The following CDH12 variants were observed in gnomAD, a reference collection of about 807,000 sequenced individuals.
The protein encoded by CDH12 is cadherin 12.
Under a neutral mutation model 74.1 loss-of-function variants are expected in CDH12, and 41 were observed. That is an observed-to-expected ratio of 0.55 (90% CI 0.43 to 0.72). The LOEUF (loss-of-function observed/expected upper bound fraction) is 0.72, where lower values mean the gene tolerates loss of function less well. Among genes scored for constraint, CDH12 ranks in the 30% least tolerant of loss-of-function variants. The pLI, the probability that CDH12 is intolerant of heterozygous loss-of-function variation, is 0.00. For missense variants in CDH12, 945 were observed against 977.2 expected (o/e 0.97, Z 0.44); for synonymous variants, 399 against 355.0 (o/e 1.12, Z -1.39).
intron 6 of CDH12, among the ~76,000 whole-genome samples, chr5:21,899,407 T>C (rs1363274000): frequency 6.6e-6 from 1 of 152,188 alleles, no homozygotes; most frequent in African/African-American, 2.4e-5. Flanking sequence ...AGTGAAAGCA[T>C]GTCATGGACA....
At chr5:22,745,214 T>C (rs999704084) in intron 1 of CDH12, among the ~76,000 whole-genome samples, 3 of 152,056 alleles carry the variant, frequency 2.0e-5, no homozygotes, top group Admixed American at 6.6e-5. Context: ...ATTAGTATCA[T>C]GGTACTAAGT....
chr5:22,599,674 C>T lies in CDH12; in HGVS notation c.-522-94310G>A, dbSNP rs568086440. ...GTATTATATGAAATATTTGATGGAA[C>T]TATCCTATAAGGAAGCTTCCAATTT... On this transcript the variant is annotated intron_variant, in intron 1 of 14. Transcript: ENST00000382254. Among the ~76,000 whole-genome samples the T allele has an allele frequency of 4.6e-5, 7 of 151,956 alleles. No homozygotes were observed. In the South Asian group the frequency reaches 1.2e-3, roughly 27 times the overall value.
chr5:22,132,349 C>A (rs1406000514), intron 4 of CDH12, among the ~76,000 whole-genome samples: 1 of 151,844 alleles, frequency 6.6e-6, no homozygotes, highest in Non-Finnish European at 1.5e-5. Flanking sequence ...GGGGCCCTTG[C>A]TAGGAACTAG....
At chr5:22,697,290 A>G (rs182206326) in intron 1 of CDH12, among the ~76,000 whole-genome samples, 22 of 152,194 alleles carry the variant, frequency 1.4e-4, no homozygotes, top group Admixed American at 4.6e-4. Context: ...GAAAACAGCC[A>G]GCCGGGCGCG....
At chr5:21,900,963 T>A (rs2150053799) in intron 6 of CDH12, among the ~76,000 whole-genome samples, 1 of 152,280 alleles carries the variant, frequency 6.6e-6, no homozygotes, top group African/African-American at 2.4e-5. Context: ...TCTTTCTCAT[T>A]GTTGTTTCTG....
chr5:22,184,858 A>T (rs1186364975), intron 4 of CDH12, among the ~76,000 whole-genome samples: 4 of 152,122 alleles, frequency 2.6e-5, no homozygotes, highest in East Asian at 1.9e-4. Flanking sequence ...TCATTTTTTT[A>T]AAAAACTTTT....
chr5:22,544,019 A>G (rs1360258801), intron 1 of CDH12, among the ~76,000 whole-genome samples: 1 of 152,180 alleles, frequency 6.6e-6, no homozygotes, highest in African/African-American at 2.4e-5. Flanking sequence ...ATTAGAATCA[A>G]AAGATATATA....
chr5:21,790,192 G>A (rs1746413472), intron 10 of CDH12, among the ~76,000 whole-genome samples: 1 of 152,016 alleles, frequency 6.6e-6, no homozygotes, highest in Non-Finnish European at 1.5e-5. Context: ...TTAACAAATT[G>A]ATTCAAACAG....
chr5:22,039,761 A>G (rs1353865514), intron 5 of CDH12, among the ~76,000 whole-genome samples: 2 of 152,166 alleles, frequency 1.3e-5, no homozygotes, highest in Non-Finnish European at 2.9e-5. Context: ...ATACCATTGT[A>G]TCTACTTGAA....
intron 1 of CDH12, among the ~76,000 whole-genome samples, chr5:22,568,858 T>A (rs1739411104): frequency 6.6e-6 from 1 of 152,218 alleles, no homozygotes; most frequent in African/African-American, 2.4e-5. Context: ...TAATTAAAAA[T>A]GATTTACTGC....
chr5:21,986,161 AG>A (rs775357204), intron 5 of CDH12, among the ~76,000 whole-genome samples: 2 of 152,274 alleles, frequency 1.3e-5, no homozygotes, highest in East Asian at 3.9e-4. Flanking sequence ...CATCTCAAAA[AG>A]GCCCCCATGC....
intron 3 of CDH12, among the ~76,000 whole-genome samples, chr5:22,393,963 T>C (rs963050246): frequency 3.3e-5 from 5 of 152,120 alleles, no homozygotes; most frequent in African/African-American, 1.2e-4. Flanking sequence ...TGCAGCCTGT[T>C]TTTTCTTTAC....
chr5:22,326,245 C>A (rs940475659), intron 3 of CDH12, among the ~76,000 whole-genome samples: 1 of 146,664 alleles, frequency 6.8e-6, no homozygotes, highest in African/African-American at 2.5e-5. Context: ...TTTTTTCTTT[C>A]TTTTTTTGAG....
chr5:22,294,762 A>G (rs990378418), intron 3 of CDH12, among the ~76,000 whole-genome samples: 2 of 152,200 alleles, frequency 1.3e-5, no homozygotes, highest in African/African-American at 4.8e-5. Flanking sequence ...TAAACCTTAG[A>G]CAGGTTTCTT....
intron 3 of CDH12, among the ~76,000 whole-genome samples, chr5:22,363,943 T>G (rs1022726643): frequency 6.6e-6 from 1 of 152,200 alleles, no homozygotes; most frequent in Admixed American, 6.5e-5. Flanking sequence ...TTTGATAGTT[T>G]TCATAAACAT....
At chr5:22,492,615 G>C (rs1388294196) in intron 2 of CDH12, among the ~76,000 whole-genome samples, 3 of 152,050 alleles carry the variant, frequency 2.0e-5, no homozygotes, top group Non-Finnish European at 4.4e-5. Context: ...CCAAAGTGCT[G>C]GGATTACAGG....
intron 3 of CDH12, among the ~76,000 whole-genome samples, chr5:22,323,130 G>A (rs1237801339): frequency 6.6e-6 from 1 of 152,072 alleles, no homozygotes; most frequent in African/African-American, 2.4e-5. Flanking sequence ...TTCATGAGAT[G>A]TATACCACAT....
intron 5 of CDH12, among the ~76,000 whole-genome samples, chr5:22,040,148 C>T (rs1319010080): frequency 1.3e-5 from 2 of 150,854 alleles, no homozygotes. Flanking sequence ...AATCTTGAAG[C>T]TAATTCAACA....
chr5:22,632,034 G>T (rs1253513955), intron 1 of CDH12, among the ~76,000 whole-genome samples: 13 of 152,114 alleles, frequency 8.5e-5, no homozygotes, highest in Admixed American at 8.5e-4. Context: ...CAACAAAGAA[G>T]GGAACACCAG....
Sources: gnomAD v4.1 joint callset for allele counts (sites outside exome capture counted in the v4.1 genomes callset) on GRCh38, gnomAD v4.1.1 for gene constraint, MANE v1.5 for transcripts, NCBI Gene and HGNC (gene_info 2026-07-23, HGNC 2026-07-21) for gene names.